SLC6A13: variants seen among roughly 807,000 people sequenced by gnomAD.
The protein encoded by SLC6A13 is sodium- and chloride-dependent GABA transporter 2.
In SLC6A13, 69 loss-of-function variants were observed where a neutral mutation model predicts 72.9. The ratio of observed to expected loss-of-function variants is 0.95; its 90% CI spans 0.78 to 1.16. SLC6A13 has a LOEUF of 1.16. Ranked by LOEUF, SLC6A13 falls within the 50% of genes most tolerant of loss-of-function variation. The probability of loss-of-function intolerance (pLI) is 0.00; values close to 1 mark genes in which losing one functional copy is unlikely to be tolerated. For synonymous variants in SLC6A13, 303 were observed against 303.0 expected (o/e 1.00, Z 0.00); for missense variants, 735 against 760.5 (o/e 0.97, Z 0.39).
rs1448214743 is a variant in SLC6A13, at chr12:235,123, C to T, written c.798G>A (p.Leu266=). ...CCCACAGACGCGTGAGGTTTGGGTA[C>T]AGGTAAAACTGAATTCCTTGGGCTG... ...PGAAQGIQFY[L]YPNLTRLWDP... The change falls in exon 7 of 15, where the codon CTG becomes CTA. Residue 266 remains leucine, a synonymous_variant. Coordinates refer to ENST00000343164, the MANE Select transcript of SLC6A13 (RefSeq NM_016615.5). The T allele has an allele frequency of 6.2e-7, 1 of 1,614,118 alleles. No individual in the cohort carries two copies. Among genetic ancestry groups the T allele is most frequent in the African/African-American group, 1.3e-5 (1 of 74,944 alleles).
intron 14 of SLC6A13, 144 bp from the exon 15 acceptor site, chr12:221,214 T>C: frequency 7.6e-7 from 1 of 1,321,476 alleles, no homozygotes; most frequent in Non-Finnish European, 1.0e-6. Flanking sequence ...CCCCTGTGTC[T>C]TCCCGAGACT....
intron 2 of SLC6A13, among the ~76,000 whole-genome samples, chr12:251,538 C>T (rs1185795523): frequency 1.3e-5 from 2 of 152,036 alleles, no homozygotes; most frequent in African/African-American, 2.4e-5. Context: ...AAATATGAGG[C>T]CTTGGGTTAG....
intron 6 of SLC6A13, among the ~76,000 whole-genome samples, chr12:236,622 T>A (rs1259259816): frequency 4.6e-5 from 7 of 152,210 alleles, no homozygotes; most frequent in African/African-American, 1.7e-4. Context: ...TTAGCGTTCA[T>A]GGCAAGGATT....
chr12:220,685 GCCCCACCTACCAGC>G lies in SLC6A13; in HGVS notation c.*249_*262del, dbSNP rs1039554884. ...AGAGGGCCCGAAGCCAGCAAGTCTC[GCCCCACCTACCAGC>G]CCCCACCCAGCTTCCCAAGGGTCTC... On this transcript the variant is annotated 3_prime_UTR_variant, in exon 15 of 15. Transcript: ENST00000343164. 1 of 439,890 alleles carries G rather than the reference GCCCCACCTACCAGC, an allele frequency of 2.3e-6. No homozygotes were observed. Among genetic ancestry groups the G allele is most frequent in the African/African-American group, 2.1e-5 (1 of 48,216 alleles). 27.2% of individuals were successfully genotyped at this position (439,890 alleles called of 1,614,324 possible).
chr12:259,364 T>G (rs1942852552), intron 2 of SLC6A13: 2 of 1,020,466 alleles, frequency 2.0e-6, no homozygotes, highest in Middle Eastern at 4.9e-4. Flanking sequence ...AACGTCATCA[T>G]CAGCAGAGCT....
chr12:254,277 C>T lies in SLC6A13; in HGVS notation c.202+5574G>A, dbSNP rs936018997. Among the ~76,000 whole-genome samples the T allele has an allele frequency of 3.3e-5, 5 of 152,220 alleles. No individual in the cohort carries two copies. Among genetic ancestry groups the T allele is most frequent in the Admixed American group, 1.3e-4 (2 of 15,284 alleles). On this transcript the variant is annotated intron_variant, in intron 2 of 14. Transcript: ENST00000343164. This position sits in a 1 kb window ranked among gnomAD's most constrained non-coding sequence, Gnocchi z 4.4. ...ACGCAGGACTCACATGGCCCCCTTC[C>T]GCCCAGAAGGGAAATACACAAGGAA...
chr12:255,044 G>A (rs4980869), intron 2 of SLC6A13, among the ~76,000 whole-genome samples: 84,526 of 152,096 alleles, frequency 0.56, 25,197 homozygotes, highest in Non-Finnish European at 0.69. Flanking sequence ...GGCCTTCCAC[G>A]TCTCAGTGAA....
In SLC6A13 at chr12:221,513, G is replaced by A. The variant is rs749412374; in HGVS notation, c.1549C>T (p.Pro517Ser). The A allele has an allele frequency of 3.7e-6, 6 of 1,610,672 alleles. No individual in the cohort carries two copies. Among genetic ancestry groups the A allele is most frequent in the Non-Finnish European group, 4.2e-6 (5 of 1,178,330 alleles). ...GTGTACTTCTTGTTGTAGGTCAGCG[G>A]AGTGTACTTTATCAGGGAGAAGAGA... Reference protein sequence around the residue: ...TFLFSLIKYTPLTYNKKYTYP... With the variant: ...TFLFSLIKYTSLTYNKKYTYP... The change falls in exon 14 of 15, where the codon CCG becomes TCG. Residue 517 changes from proline to serine, a missense_variant. Transcript: ENST00000343164.
chr12:230,816 A>G (rs1941679300), intron 7 of SLC6A13, among the ~76,000 whole-genome samples: 1 of 152,230 alleles, frequency 6.6e-6, no homozygotes, highest in Admixed American at 6.5e-5. Flanking sequence ...TGTGTCAAGC[A>G]CTCAGCAAAG....
At chr12:232,369 A>G (rs1263561817) in intron 7 of SLC6A13, among the ~76,000 whole-genome samples, 1 of 152,154 alleles carries the variant, frequency 6.6e-6, no homozygotes, top group African/African-American at 2.4e-5. Context: ...AATCCAAGCC[A>G]AACTCTTCAC....
intron 2 of SLC6A13, 120 bp downstream of exon 2, chr12:259,731 G>T (rs575431277): frequency 6.2e-7 from 1 of 1,601,420 alleles, no homozygotes. Flanking sequence ...ACCTCTAAGC[G>T]TCCTCCTACC....
At chr12:235,951 C>G (rs982133352) in intron 6 of SLC6A13, among the ~76,000 whole-genome samples, 3 of 152,156 alleles carry the variant, frequency 2.0e-5, no homozygotes, top group African/African-American at 7.2e-5. Context: ...CTCAGGTTTA[C>G]TAGGGTGGGG....
intron 2 of SLC6A13, among the ~76,000 whole-genome samples, chr12:257,748 G>A (rs1414552737): frequency 6.6e-6 from 1 of 152,078 alleles, no homozygotes; most frequent in Non-Finnish European, 1.5e-5. Flanking sequence ...AAGGACCGGG[G>A]AGAGTCCCTC....
intron 6 of SLC6A13, 105 bp from the exon 7 acceptor site, chr12:235,329 G>A (rs938445399): frequency 2.4e-5 from 28 of 1,159,762 alleles, no homozygotes; most frequent in Non-Finnish European, 3.5e-5. Flanking sequence ...AAAAGGTCAA[G>A]GGAGTGTTCC....
In SLC6A13 at chr12:242,528, G is replaced by T. The variant is rs1352400201; in HGVS notation, c.478+86C>A. 6.6e-6 allele frequency: 8 copies of T among 1,214,116 alleles called. No individual in the cohort carries two copies. The Admixed American group carries it at 1.4e-4, about 21-fold the overall frequency. The allele number at this position is 1,214,116 out of a possible 1,614,324, so 75.2% of individuals were successfully genotyped here. A position where few individuals can be genotyped will look rare whatever the true frequency, so the allele number is the denominator to read the frequency against. ...CTTGGGTGATTTCTGGTGTGTCCGTGTTAAGCGGGGATATAGTGACAAGCC... is the reference window on the plus strand; with the variant it reads ...CTTGGGTGATTTCTGGTGTGTCCGTTTTAAGCGGGGATATAGTGACAAGCC... On this transcript the variant is annotated intron_variant, in intron 4 of 14. Transcript: ENST00000343164.
chr12:235,005 G>T, intron 7 of SLC6A13, 85 bp downstream of exon 7: 1 of 1,515,778 alleles, frequency 6.6e-7, no homozygotes, highest in Non-Finnish European at 9.1e-7. Flanking sequence ...TGCTAGGTGC[G>T]GGGGTTCCCC....
intron 2 of SLC6A13, among the ~76,000 whole-genome samples, chr12:257,719 AC>A (rs3837515): frequency 0.42 from 63,516 of 151,828 alleles, 15,834 homozygotes; most frequent in Non-Finnish European, 0.57. Flanking sequence ...CAGCCCTGGG[AC>A]CCAAACATTG....
intron 7 of SLC6A13, among the ~76,000 whole-genome samples, chr12:232,944 C>T (rs1941771800): frequency 6.6e-6 from 1 of 152,224 alleles, no homozygotes; most frequent in African/African-American, 2.4e-5. Context: ...GAGTCATTGC[C>T]CCTGTGTGCA....
chr12:245,393 C>T (rs950590497), intron 2 of SLC6A13, among the ~76,000 whole-genome samples: 1 of 152,082 alleles, frequency 6.6e-6, no homozygotes, highest in Non-Finnish European at 1.5e-5. Flanking sequence ...TACAGAAATA[C>T]GAAATTGGCC....
Sources: gnomAD v4.1 joint callset for allele counts (sites outside exome capture counted in the v4.1 genomes callset) on GRCh38, gnomAD v4.1.1 for gene constraint, Gnocchi (gnomAD v3.1) non-coding constraint, MANE v1.5 for transcripts, NCBI Gene and HGNC (gene_info 2026-07-23, HGNC 2026-07-21) for gene names.